Variants in LARP4 observed in about 807,000 individuals in gnomAD.
LARP4 encodes the protein la-related protein 4.
Under a neutral mutation model 92.9 loss-of-function variants are expected in LARP4, and 29 were observed. The ratio of observed to expected loss-of-function variants is 0.31; its 90% CI spans 0.23 to 0.43. The LOEUF is 0.43. Ranked by LOEUF, LARP4 falls within the 20% of genes least tolerant of loss-of-function variation. LARP4 has a pLI of 1.00. For missense variants in LARP4, 732 were observed against 860.0 expected (o/e 0.85, Z 1.86); for synonymous variants, 279 against 284.1 (o/e 0.98, Z 0.18).
intron 1 of LARP4, among the ~76,000 whole-genome samples, chr12:50,413,189 C>G (rs1240685787): frequency 6.7e-6 from 1 of 150,234 alleles, no homozygotes; most frequent in Non-Finnish European, 1.5e-5. Flanking sequence ...TGCCACTGCA[C>G]TCCAGCCTGG....
chr12:50,440,332 G>A, intron 6 of LARP4, 107 bp from the exon 7 acceptor site: 1 of 763,256 alleles, frequency 1.3e-6, no homozygotes, highest in Middle Eastern at 2.6e-4. Context: ...GAAGTGATAG[G>A]ACCAAAGACA....
chr12:50,430,604 G>C (rs1949502701), intron 4 of LARP4, 34 bp downstream of exon 4: 1 of 1,284,996 alleles, frequency 7.8e-7, no homozygotes, highest in African/African-American at 1.5e-5. Context: ...AATTTTATTA[G>C]TAGATGTAAA....
chr12:50,449,077 T>C (rs913206112), intron 8 of LARP4, among the ~76,000 whole-genome samples: 1 of 151,822 alleles, frequency 6.6e-6, no homozygotes, highest in African/African-American at 2.4e-5. Flanking sequence ...CTGTCTCTAC[T>C]AAAAATACAA....
At chr12:50,449,177 A>C (rs1166234807) in intron 8 of LARP4, among the ~76,000 whole-genome samples, 1 of 151,934 alleles carries the variant, frequency 6.6e-6, no homozygotes, top group Non-Finnish European at 1.5e-5. Flanking sequence ...TTGGAGGAGG[A>C]GGTTGCAGTG....
At chr12:50,440,249 A>G (rs1025913668) in intron 6 of LARP4, among the ~76,000 whole-genome samples, 190 bp from the exon 7 acceptor site, 8 of 152,178 alleles carry the variant, frequency 5.3e-5, no homozygotes, top group Non-Finnish European at 1.2e-4. Context: ...CCAGACTCAA[A>G]TATATCTCCT....
intron 13 of LARP4, among the ~76,000 whole-genome samples, chr12:50,469,631 C>T (rs1030617755): frequency 3.2e-5 from 4 of 126,320 alleles, no homozygotes; most frequent in African/African-American, 1.1e-4. Context: ...AAAGTAAAGG[C>T]GGGGCACAGT....
At chr12:50,467,410 C>T (rs1219520137) in intron 13 of LARP4, among the ~76,000 whole-genome samples, 1 of 151,936 alleles carries the variant, frequency 6.6e-6, no homozygotes, top group African/African-American at 2.4e-5. Flanking sequence ...CCTGCCTCAG[C>T]CTCCCAAGTA....
At chr12:50,414,132 A>G (rs1231291957) in intron 1 of LARP4, among the ~76,000 whole-genome samples, 2 of 152,198 alleles carry the variant, frequency 1.3e-5, no homozygotes, top group Non-Finnish European at 2.9e-5. Context: ...CATGCTTATC[A>G]AAATAGTATT....
At chr12:50,459,923 G>C (rs1593340623) in intron 10 of LARP4, among the ~76,000 whole-genome samples, 1 of 151,600 alleles carries the variant, frequency 6.6e-6, no homozygotes, top group African/African-American at 2.4e-5. Flanking sequence ...CGGTTCACGA[G>C]GTCAAGAGTT....
rs370588664 is a variant in LARP4 at position 50,454,011 on chromosome 12, C to T, written c.1018-303C>T. Among the ~76,000 whole-genome samples, 9 of 152,130 alleles carry T rather than the reference C, an allele frequency of 5.9e-5. No individual in the cohort carries two copies. In the South Asian group the frequency reaches 1.7e-3, roughly 28 times the overall value. On this transcript the variant is annotated intron_variant, in intron 9 of 15. Coordinates refer to ENST00000398473, the MANE Select transcript of LARP4 (RefSeq NM_052879.5). The stretch of plus-strand genomic sequence containing the variant: ...ATGACTAAGAGGTGAGCTATTAGAG[C>T]GCATAATTTTATTCCATAAAATTTG...
At chr12:50,461,493 G>A (rs1386899551) in intron 11 of LARP4, 146 bp downstream of exon 11, 4 of 881,654 alleles carry the variant, frequency 4.5e-6, no homozygotes, top group African/African-American at 3.2e-5. Flanking sequence ...CAGAACATGA[G>A]TTGGTTGCTT....
At position 50,437,907 on chromosome 12, in the gene LARP4, C is replaced by T. The variant is rs115994391; in HGVS notation, c.639+69C>T. The T allele has an allele frequency of 9.7e-4, 998 of 1,024,790 alleles. 1 individual carries two copies. The highest frequency in any genetic ancestry group is 5.4e-3 in the African/African-American group (336 of 61,704). 63.5% of individuals were successfully genotyped at this position (1,024,790 alleles called of 1,614,324 possible). On this transcript the variant is annotated intron_variant, in intron 6 of 15. Transcript: ENST00000398473. ...ATTAAAAGAGGTTTCTTCTGCCTTT[C>T]GTGGCAAAGAAGAAAAATTGGAAGA...
At chr12:50,420,343 T>C (rs1222729192) in intron 1 of LARP4, among the ~76,000 whole-genome samples, 2 of 152,142 alleles carry the variant, frequency 1.3e-5, no homozygotes, top group East Asian at 3.8e-4. Flanking sequence ...ATAGGAAAAC[T>C]TGATACATGG....
Position 50,462,563 on chromosome 12 carries a change from A to T in LARP4, c.1335-19A>T. The T allele has an allele frequency of 2.3e-6, 1 of 434,858 alleles. No individual in the cohort carries two copies. The highest frequency in any genetic ancestry group is 3.8e-6 in the Non-Finnish European group (1 of 261,250). 26.9% of individuals were successfully genotyped at this position (434,858 alleles called of 1,614,324 possible). A position where few individuals can be genotyped will look rare whatever the true frequency, so the allele number is the denominator to read the frequency against. On this transcript the variant is annotated intron_variant, in intron 11 of 15. Coordinates refer to ENST00000398473, the MANE Select transcript of LARP4 (RefSeq NM_052879.5). ...TGTCCCTCCACCCCACCCCACCCCCACCTTTTTCTTATTAAAAGGAGAACT... is the reference window on the plus strand; with the variant it reads ...TGTCCCTCCACCCCACCCCACCCCCTCCTTTTTCTTATTAAAAGGAGAACT...
chr12:50,469,668 T>G (rs1157322664), intron 13 of LARP4, among the ~76,000 whole-genome samples: 1 of 150,516 alleles, frequency 6.6e-6, no homozygotes, highest in Non-Finnish European at 1.5e-5. Flanking sequence ...CCCCGCACTT[T>G]GGGAGCCTGA....
rs1481269409 is a variant in LARP4, at chr12:50,473,359, A to G, written c.1546-56A>G. The G allele has an allele frequency of 3.7e-6, 5 of 1,345,014 alleles. No individual in the cohort carries two copies. In the African/African-American group the frequency reaches 7.2e-5, roughly 19 times the overall value. 83.3% of individuals were successfully genotyped at this position (1,345,014 alleles called of 1,614,324 possible). A position where few individuals can be genotyped will look rare whatever the true frequency, so the allele number is the denominator to read the frequency against. On this transcript the variant is annotated intron_variant, in intron 13 of 15. Transcript: ENST00000398473. ...CTTCTCTTGTGCTTATTAGACGTGT[A>G]TATCTTCTTTGGAAAAAGGTCTAAG...
rs12306117 is a variant in LARP4, at chr12:50,434,405, A to C, written c.399-1083A>C. 1.5e-3 allele frequency among the ~76,000 whole-genome samples: 215 copies of C among 142,960 alleles called. 4 individuals carry two copies. Among genetic ancestry groups the C allele is most frequent in the South Asian group, 0.011 (51 of 4,556 alleles). The allele number at this position is 142,960 out of a possible 152,430, so 93.8% of individuals were successfully genotyped here. A position where few individuals can be genotyped will look rare whatever the true frequency, so the allele number is the denominator to read the frequency against. The stretch of plus-strand genomic sequence containing the variant: ...TGTTAATATTAAATATATATTTTTT[A>C]TTTTTCTTTTTTTTTTTTTGTTTAT... On this transcript the variant is annotated intron_variant, in intron 4 of 15. Transcript: ENST00000398473.
rs1189213980 is a variant in LARP4, at chr12:50,435,546, C to A, written c.457C>A (p.Pro153Thr). The A allele has an allele frequency of 1.3e-6, 2 of 1,598,084 alleles. No homozygotes were observed. Among genetic ancestry groups the A allele is most frequent in the Non-Finnish European group, 1.7e-6 (2 of 1,165,888 alleles). Residue 153 changes from proline (P) to threonine (T), a missense_variant, in exon 5 of 16, where the codon CCA (proline) becomes ACA (threonine). Physicochemically the swap from Pro to Thr is conservative, Grantham distance 38 (BLOSUM62 -1). Transcript: ENST00000398473. Reference protein sequence around the residue: ...ISQMDSDQFIPIWTVANMEEI... With the variant: ...ISQMDSDQFITIWTVANMEEI... The stretch of plus-strand genomic sequence containing the variant: ...TCAAATGGATAGTGATCAGTTCATC[C>A]CAATTTGGACAGTTGCCAACATGGA...
At chr12:50,471,221 C>T (rs1333436491) in intron 13 of LARP4, among the ~76,000 whole-genome samples, 2 of 152,112 alleles carry the variant, frequency 1.3e-5, no homozygotes, top group South Asian at 2.1e-4. Context: ...TTTGGCCTTG[C>T]GGGTCTTAGT....
Sources: allele counts gnomAD v4.1 joint callset (sites outside exome capture counted in the v4.1 genomes callset), GRCh38; gene constraint gnomAD v4.1.1; transcripts MANE v1.5; gene names NCBI Gene and HGNC (gene_info 2026-07-23, HGNC 2026-07-21).